TRAPPC9: variants seen among roughly 807,000 people sequenced by gnomAD.
The protein encoded by TRAPPC9 is IKK2 binding protein.
A neutral mutation model predicts 124.0 loss-of-function variants in TRAPPC9; 83 were observed. That is an observed-to-expected ratio of 0.67 (90% CI 0.56 to 0.80). The LOEUF (loss-of-function observed/expected upper bound fraction) is 0.80, where lower values mean the gene tolerates loss of function less well. Among genes scored for constraint, TRAPPC9 ranks in the 30% least tolerant of loss-of-function variants. The probability of loss-of-function intolerance (pLI) is 0.00; values close to 1 mark genes in which losing one functional copy is unlikely to be tolerated. For missense variants in TRAPPC9, 1,302 were observed against 1,508.3 expected (o/e 0.86, Z 2.27); for synonymous variants, 638 against 617.5 (o/e 1.03, Z -0.49).
chr8:140,118,167 C>T (rs1008055797), intron 17 of TRAPPC9, among the ~76,000 whole-genome samples: 14 of 152,162 alleles, frequency 9.2e-5, no homozygotes, highest in East Asian at 3.8e-4. Flanking sequence ...ACGTGGGTGG[C>T]GCTTTGATAC....
At chr8:140,362,721 T>A (rs921549866) in intron 8 of TRAPPC9, among the ~76,000 whole-genome samples, 1 of 152,172 alleles carries the variant, frequency 6.6e-6, no homozygotes, top group Non-Finnish European at 1.5e-5. Flanking sequence ...GAGATTTTTT[T>A]AAAGATTATG....
Position 139,809,954 on chromosome 8 carries a change from T to TG in TRAPPC9, c.3055+75924dup, listed in dbSNP as rs199751354. Among the ~76,000 whole-genome samples, 1,267 of 151,740 alleles carry TG rather than the reference T, an allele frequency of 8.3e-3. 17 individuals are homozygous for TG. Among genetic ancestry groups the TG allele is most frequent in the African/African-American group, 0.029 (1,195 of 41,318 alleles). On this transcript the variant is annotated intron_variant, in intron 21 of 22. Transcript: ENST00000438773. The stretch of plus-strand genomic sequence containing the variant: ...CTCCTGTGTGCGCTGAAAGCAGAGG[T>TG]GCTAGAGGCACATCTGGCATCTCTG...
At chr8:139,772,486 C>T (rs1438904408) in intron 21 of TRAPPC9, among the ~76,000 whole-genome samples, 3 of 152,206 alleles carry the variant, frequency 2.0e-5, no homozygotes, top group African/African-American at 7.2e-5. Flanking sequence ...CTCCTGGGAT[C>T]CTGAGAAGTC....
At chr8:140,356,303 G>A (rs999615670) in intron 9 of TRAPPC9, among the ~76,000 whole-genome samples, 3 of 152,178 alleles carry the variant, frequency 2.0e-5, no homozygotes, top group South Asian at 2.1e-4. Flanking sequence ...ATCAACCTCC[G>A]AGCACGTGGG....
chr8:140,224,451 C>T (rs1440514929), intron 16 of TRAPPC9, among the ~76,000 whole-genome samples: 1 of 152,190 alleles, frequency 6.6e-6, no homozygotes, highest in Non-Finnish European at 1.5e-5. Context: ...TGAGCAGAAC[C>T]TTTGACATAC....
At chr8:139,734,254 G>A (rs764048343) in intron 21 of TRAPPC9, among the ~76,000 whole-genome samples, 1 of 152,224 alleles carries the variant, frequency 6.6e-6, no homozygotes, top group Non-Finnish European at 1.5e-5. Flanking sequence ...TAGCCCGTGT[G>A]CCAGAGAGGT....
At chr8:139,796,885 C>T (rs1305500795) in intron 21 of TRAPPC9, among the ~76,000 whole-genome samples, 1 of 152,232 alleles carries the variant, frequency 6.6e-6, no homozygotes, top group Non-Finnish European at 1.5e-5. Context: ...GTTCCAGTTT[C>T]TCCACATCCT....
rs897445954 is a variant in TRAPPC9, at chr8:139,886,297, C to A, written c.2965-328G>T. On this transcript the variant is annotated intron_variant, in intron 20 of 22. Coordinates refer to ENST00000438773, the MANE Select transcript of TRAPPC9 (RefSeq NM_001160372.4). ...AAAGAGAAATGGAAGGTTATTTTTCCTTAATAAAATATGCAAACTGGTTCA... is the reference window on the plus strand; with the variant it reads ...AAAGAGAAATGGAAGGTTATTTTTCATTAATAAAATATGCAAACTGGTTCA... Among the ~76,000 whole-genome samples, 3 of 152,180 alleles carry A rather than the reference C, an allele frequency of 2.0e-5. No homozygotes were observed. The South Asian group carries it at 6.2e-4, about 32-fold the overall frequency.
chr8:140,132,597 G>A (rs374274419), intron 17 of TRAPPC9, among the ~76,000 whole-genome samples: 7 of 152,102 alleles, frequency 4.6e-5, no homozygotes, highest in African/African-American at 7.2e-5. Flanking sequence ...CGCAGACGGC[G>A]GGGCCTCCTA....
chr8:140,381,835 G>A (rs569518528), intron 7 of TRAPPC9, among the ~76,000 whole-genome samples: 2 of 152,252 alleles, frequency 1.3e-5, no homozygotes, highest in South Asian at 2.1e-4. Context: ...AGAGAAACTG[G>A]AACCTTCAGA....
chr8:140,031,991 A>G (rs10101910), intron 17 of TRAPPC9, among the ~76,000 whole-genome samples: 85,100 of 152,050 alleles, frequency 0.56, 24,229 homozygotes, highest in Middle Eastern at 0.7. Context: ...GGGACCCCCA[A>G]CCTAACTCCC....
Position 140,115,886 on chromosome 8 carries a change from C to T in TRAPPC9, c.2557-91807G>A, listed in dbSNP as rs79076212. On this transcript the variant is annotated intron_variant, in intron 17 of 22. Transcript: ENST00000438773. ...ACCCTCCAAGGGACGGTGTGATGAGCGAATGTGACAGTGCTCGTGAACACC... is the reference window on the plus strand; with the variant it reads ...ACCCTCCAAGGGACGGTGTGATGAGTGAATGTGACAGTGCTCGTGAACACC... Among the ~76,000 whole-genome samples, 721 of 152,200 alleles carry T rather than the reference C, an allele frequency of 4.7e-3. 4 individuals are homozygous for T. The highest frequency in any genetic ancestry group is 0.017 in the African/African-American group (687 of 41,530).
intron 17 of TRAPPC9, among the ~76,000 whole-genome samples, chr8:140,033,212 T>G (rs993559073): frequency 2.0e-5 from 3 of 152,238 alleles, no homozygotes; most frequent in African/African-American, 7.2e-5. Context: ...CTTGGACTAC[T>G]GCACTGGCCA....
At chr8:140,067,394 C>T (rs1372593277) in intron 17 of TRAPPC9, among the ~76,000 whole-genome samples, 2 of 152,180 alleles carry the variant, frequency 1.3e-5, no homozygotes, top group African/African-American at 2.4e-5. Context: ...CTGTCTGCCT[C>T]GGCCTCCCAA....
chr8:140,150,148 C>T (rs1563799005), intron 17 of TRAPPC9, among the ~76,000 whole-genome samples: 2 of 152,126 alleles, frequency 1.3e-5, no homozygotes, highest in South Asian at 2.1e-4. Flanking sequence ...GCCAAGTTCT[C>T]TACTATTATC....
At chr8:139,835,004 G>A (rs1463937638) in intron 21 of TRAPPC9, among the ~76,000 whole-genome samples, 1 of 152,208 alleles carries the variant, frequency 6.6e-6, no homozygotes, top group Non-Finnish European at 1.5e-5. Context: ...CCTGGACAGG[G>A]AAGCCCAGAT....
chr8:140,157,959 T>C (rs373992733), intron 17 of TRAPPC9, among the ~76,000 whole-genome samples: 3 of 152,234 alleles, frequency 2.0e-5, no homozygotes, highest in African/African-American at 7.2e-5. Context: ...TATTTTTCTA[T>C]GTTAATAGTC....
At chr8:140,355,116 T>A (rs1563969223) in intron 9 of TRAPPC9, among the ~76,000 whole-genome samples, 2 of 152,132 alleles carry the variant, frequency 1.3e-5, no homozygotes, top group Non-Finnish European at 2.9e-5. Context: ...ATAAACAAAT[T>A]TTCCTGTCAC....
chr8:139,860,490 C>T (rs1487220742), intron 21 of TRAPPC9, among the ~76,000 whole-genome samples: 5 of 152,234 alleles, frequency 3.3e-5, no homozygotes, highest in South Asian at 2.1e-4. Flanking sequence ...ATCTAGGCCT[C>T]TGCTGTGTGT....
Sources: gnomAD v4.1 joint callset for allele counts (sites outside exome capture counted in the v4.1 genomes callset) on GRCh38, gnomAD v4.1.1 for gene constraint, MANE v1.5 for transcripts, NCBI Gene and HGNC (gene_info 2026-07-23, HGNC 2026-07-21) for gene names.